The following TPO variants were observed in gnomAD, a reference collection of about 807,000 sequenced individuals.
TPO encodes thyroid microsomal antigen.
TPO carries 78 observed loss-of-function variants against 96.9 expected under a neutral mutation model. The ratio of observed to expected loss-of-function variants is 0.81; its 90% confidence interval spans 0.67 to 0.97. TPO has a LOEUF of 0.97. Among genes scored for constraint, TPO ranks in the 50% least tolerant of loss-of-function variants. The probability of loss-of-function intolerance (pLI) is 0.00; values close to 1 mark genes in which losing one functional copy is unlikely to be tolerated. For synonymous variants in TPO, 547 were observed against 538.0 expected (o/e 1.02, Z -0.23); for missense variants, 1,252 against 1,274.8 (o/e 0.98, Z 0.27).
chr2:1,528,494 C>T (rs532948916), intron 15 of TPO, among the ~76,000 whole-genome samples: 5 of 148,126 alleles, frequency 3.4e-5, no homozygotes, highest in Non-Finnish European at 7.4e-5. Flanking sequence ...TCAAATCCCC[C>T]CTTCTGTGCA....
At chr2:1,420,940 G>T (rs1663446646) in intron 2 of TPO, among the ~76,000 whole-genome samples, 1 of 152,070 alleles carries the variant, frequency 6.6e-6, no homozygotes, top group Non-Finnish European at 1.5e-5. Context: ...TGGTAGGGTG[G>T]TTATTTCAGG....
chr2:1,411,562 A>AT (rs1251733590), upstream of TPO, among the ~76,000 whole-genome samples: 2 of 152,126 alleles, frequency 1.3e-5, no homozygotes, highest in African/African-American at 4.8e-5. Context: ...GGCTGTGTGA[A>AT]TTTCCTGCGA....
chr2:1,466,397 G>A (rs567504941), intron 7 of TPO, among the ~76,000 whole-genome samples: 2 of 152,122 alleles, frequency 1.3e-5, no homozygotes, highest in Non-Finnish European at 2.9e-5. Flanking sequence ...GGGTGATACT[G>A]GCCTTACAGA....
chr2:1,487,878 A>C lies in TPO; in HGVS notation c.1655A>C (p.Gln552Pro). ...GCAAGACCAGCCAAACTGCAGGTGC[A>C]GGATCAGCTGATGAACGAGGAGCTG... ...LLARPAKLQVQDQLMNEELTE... is the reference protein window; with the variant it reads ...LLARPAKLQVPDQLMNEELTE... Residue 552 changes from glutamine to proline, a missense_variant, in exon 10 of 17, where the codon CAG (glutamine) becomes CCG (proline). Transcript: ENST00000329066. 6.2e-7 allele frequency: 1 copy of C among 1,614,268 alleles called. No individual in the cohort carries two copies. Among genetic ancestry groups the C allele is most frequent in the Non-Finnish European group, 8.5e-7 (1 of 1,180,050 alleles).
At chr2:1,500,361 T>C (rs1361567704) in intron 13 of TPO, among the ~76,000 whole-genome samples, 2 of 152,184 alleles carry the variant, frequency 1.3e-5, no homozygotes, top group Non-Finnish European at 2.9e-5. Context: ...ATGACAAAAC[T>C]CCAAAATCTG....
At chr2:1,394,381 A>G (rs1321018392) in intron 1 of TPO, among the ~76,000 whole-genome samples, 1 of 152,226 alleles carries the variant, frequency 6.6e-6, no homozygotes, top group South Asian at 2.1e-4. Flanking sequence ...TGCCGCCTGC[A>G]CTGAGCAGAA....
In TPO at chr2:1,439,142, G is replaced by A. The variant is rs1469619836; in HGVS notation, c.482+2758G>A. 5.1e-5 allele frequency: 18 copies of A among 353,672 alleles called. No individual in the cohort carries two copies. The East Asian group carries it at 8.3e-4, about 16-fold the overall frequency. The allele number at this position is 353,672 out of a possible 1,614,324, so 21.9% of individuals were successfully genotyped here. A position where few individuals can be genotyped will look rare whatever the true frequency, so the allele number is the denominator to read the frequency against. ...AGTTCCTGCTCGGCCCTTCTGAAAG[G>A]CCCTGCTGCTGTCTTGGGCGCCTCT... On this transcript the variant is annotated intron_variant, in intron 5 of 16. Transcript: ENST00000329066.
chr2:1,388,410 C>T (rs977470186), intron 1 of TPO, among the ~76,000 whole-genome samples: 1 of 152,192 alleles, frequency 6.6e-6, no homozygotes, highest in African/African-American at 2.4e-5. Context: ...TCAGCAATGG[C>T]GGGTGCCCCT....
rs867180943 is a variant in TPO, at chr2:1,532,891, C to A, written c.2619-7703C>A. 6.5e-4 allele frequency among the ~76,000 whole-genome samples: 65 copies of A among 100,400 alleles called. 7 individuals are homozygous for A. The highest frequency in any genetic ancestry group is 3.0e-3 in the African/African-American group (60 of 20,160). 65.9% of individuals were successfully genotyped at this position (100,400 alleles called of 152,430 possible). A position where few individuals can be genotyped will look rare whatever the true frequency, so the allele number is the denominator to read the frequency against. The stretch of plus-strand genomic sequence containing the variant: ...CTCCTCAAATACCCCCAGTTTGCAA[C>A]CTCCCAAAATCTCCCTATGTGCAAC... On this transcript the variant is annotated intron_variant, in intron 15 of 16. Coordinates refer to ENST00000329066, the MANE Select transcript of TPO (RefSeq NM_001206744.2).
chr2:1,481,019 C>T (rs923550829), intron 8 of TPO, among the ~76,000 whole-genome samples: 4 of 151,384 alleles, frequency 2.6e-5, no homozygotes, highest in African/African-American at 9.7e-5. Flanking sequence ...GCCCTCTGTG[C>T]TGGTTCCTGG....
intron 11 of TPO, 31 bp downstream of exon 11, chr2:1,494,070 C>T (rs771955229): frequency 5.9e-5 from 94 of 1,605,198 alleles, no homozygotes; most frequent in Non-Finnish European, 7.6e-5. Flanking sequence ...TCTTCCTTCA[C>T]GTTCTGCACA....
intron 8 of TPO, among the ~76,000 whole-genome samples, chr2:1,481,944 C>T (rs1395241450): frequency 1.3e-5 from 2 of 152,194 alleles, no homozygotes; most frequent in African/African-American, 4.8e-5. Context: ...TGCAGGGCTT[C>T]CTGCGGAGGA....
At chr2:1,516,436 G>C (rs1008788663) in intron 14 of TPO, among the ~76,000 whole-genome samples, 2 of 152,172 alleles carry the variant, frequency 1.3e-5, no homozygotes, top group African/African-American at 4.8e-5. Context: ...ATAAAATGCA[G>C]CCAAGGGCAA....
chr2:1,477,523 G>T lies in TPO; in HGVS notation c.1257G>T (p.Ala419=), dbSNP rs1227875418. 6.5e-7 allele frequency: 1 copy of T among 1,532,952 alleles called. No individual in the cohort carries two copies. The highest frequency in any genetic ancestry group is 2.0e-5 in the Admixed American group (1 of 50,854). 95.0% of individuals were successfully genotyped at this position (1,532,952 alleles called of 1,614,324 possible). A position where few individuals can be genotyped will look rare whatever the true frequency, so the allele number is the denominator to read the frequency against. The stretch of plus-strand genomic sequence containing the variant: ...TGCGCGAGCACAACCGCCTGGCCGC[G>T]GCGCTCAAGGCCCTCAATGCGCACT... ...LWLREHNRLA[A]ALKALNAHWS... is the part of the protein sequence containing the mutation. The change falls in exon 8 of 17, where the codon GCG becomes GCT. Residue 419 remains alanine, a synonymous_variant. Coordinates refer to ENST00000329066, the MANE Select transcript of TPO (RefSeq NM_001206744.2).
chr2:1,441,304 T>C (rs1666173333), intron 5 of TPO, among the ~76,000 whole-genome samples: 1 of 152,220 alleles, frequency 6.6e-6, no homozygotes, highest in South Asian at 2.1e-4. Context: ...GGACGTACCA[T>C]GTTGGAAGAG....
chr2:1,445,049 T>C (rs13000160), intron 5 of TPO, among the ~76,000 whole-genome samples: 3 of 30,976 alleles, frequency 9.7e-5, no homozygotes, highest in South Asian at 3.0e-3. Flanking sequence ...TGGCTCCTTC[T>C]TGTTTGTATG....
In TPO at chr2:1,436,343, GGC is replaced by G; in HGVS notation, c.443_444del (p.Ala148GlufsTer34). 6.2e-7 allele frequency: 1 copy of G among 1,614,154 alleles called. No individual in the cohort carries two copies. Among genetic ancestry groups the G allele is most frequent in the East Asian group, 2.2e-5 (1 of 44,880 alleles). ...CCCCAAAATGCCCAAACACTTGCCTGGCGAACAAATACAGGCCCATCACAGGA... is the reference window on the plus strand; with the variant it reads ...CCCCAAAATGCCCAAACACTTGCCTGGAACAAATACAGGCCCATCACAGGA... ...LPPKCPNTCL[A>X]NKYRPITGAC... On this transcript the variant is annotated frameshift_variant, in exon 5 of 17. Coordinates refer to ENST00000329066, the MANE Select transcript of TPO (RefSeq NM_001206744.2). LOFTEE classifies it high-confidence loss of function.
intron 5 of TPO, chr2:1,438,746 T>G (rs779596197): frequency 1.4e-6 from 1 of 701,776 alleles, no homozygotes; most frequent in Non-Finnish European, 2.6e-6. Flanking sequence ...AAATCTTGCT[T>G]GATTTGCAAA....
rs572055920 is a variant in TPO, at chr2:1,474,502, G to A, written c.820-2584G>A. 2.6e-5 allele frequency among the ~76,000 whole-genome samples: 4 copies of A among 152,296 alleles called. No individual in the cohort carries two copies. The South Asian group carries it at 8.3e-4, about 32-fold the overall frequency. On this transcript the variant is annotated intron_variant, in intron 7 of 16. Coordinates refer to ENST00000329066, the MANE Select transcript of TPO (RefSeq NM_001206744.2). ...TTTCATCTTTTCCATGGCTGAAATA[G>A]TTTAAGCAACCTTGGAGTTACCTAT... is the stretch of plus-strand genomic sequence containing the variant.
Sources: gnomAD v4.1 joint callset for allele counts (sites outside exome capture counted in the v4.1 genomes callset) on GRCh38, gnomAD v4.1.1 for gene constraint, MANE v1.5 for transcripts, NCBI Gene and HGNC (gene_info 2026-07-23, HGNC 2026-07-21) for gene names.